PCDHGB1: variants seen among roughly 807,000 people sequenced by gnomAD.
PCDHGB1 encodes the protein protocadherin gamma subfamily B, 1.
Under a neutral mutation model 56.6 loss-of-function variants are expected in PCDHGB1, and 34 were observed. The ratio of observed to expected loss-of-function variants is 0.60; its 90% CI spans 0.46 to 0.80. The LOEUF is 0.80. Among genes scored for constraint, PCDHGB1 ranks in the 30% least tolerant of loss-of-function variants. The pLI, the probability that PCDHGB1 is intolerant of heterozygous loss-of-function variation, is 0.00. For missense variants in PCDHGB1, 1,278 were observed against 1,204.6 expected (o/e 1.06, Z -0.90); for synonymous variants, 561 against 505.9 (o/e 1.11, Z -1.46).
chr5:141,478,635 A>T, intron 1 of PCDHGB1: 1 of 1,552,830 alleles, frequency 6.4e-7, no homozygotes, highest in Non-Finnish European at 8.7e-7. Context: ...TTTTTTAGTG[A>T]TGAAGATGTT....
At chr5:141,423,173 A>T (rs2096717258) in intron 1 of PCDHGB1, 1 of 1,613,330 alleles carries the variant, frequency 6.2e-7, no homozygotes, top group South Asian at 1.1e-5. Flanking sequence ...GCCGTCCAGG[A>T]CCACGGCCAG....
chr5:141,421,379 A>G, intron 1 of PCDHGB1: 1 of 1,614,054 alleles, frequency 6.2e-7, no homozygotes, highest in Non-Finnish European at 8.5e-7. Flanking sequence ...AATATCTCCA[A>G]GGACCTGGGG....
chr5:141,400,646 CTGTCCT>C, intron 1 of PCDHGB1: 1 of 1,222,508 alleles, frequency 8.2e-7, no homozygotes, highest in South Asian at 1.4e-5. Flanking sequence ...GCTCAGAAAG[CTGTCCT>C]ACCATTCTTT....
intron 2 of PCDHGB1, among the ~76,000 whole-genome samples, chr5:141,499,879 G>C (rs1470090790): frequency 9.2e-5 from 14 of 151,952 alleles, no homozygotes. Flanking sequence ...GTACAAACAG[G>C]GTTTCGCCAT....
chr5:141,477,884 G>A lies in PCDHGB1; in HGVS notation c.2410-16923G>A. On this transcript the variant is annotated intron_variant, in intron 1 of 3. Transcript: ENST00000523390. The surrounding 1 kb of genome is among the most constrained non-coding windows in gnomAD (Gnocchi z 4.9). ...TCGAGGTACCTCAGCTGGCCACCTA[G>A]TGTCACGGGTGGTAGGCTGGGACGC... 6.2e-7 allele frequency: 1 copy of A among 1,614,190 alleles called. No homozygotes were observed. The highest frequency in any genetic ancestry group is 8.5e-7 in the Non-Finnish European group (1 of 1,180,036).
chr5:141,465,448 A>G (rs2099103302), intron 1 of PCDHGB1, among the ~76,000 whole-genome samples: 2 of 152,192 alleles, frequency 1.3e-5, no homozygotes, highest in Admixed American at 1.3e-4. Flanking sequence ...TTACCCAAGA[A>G]AACTCTCACC....
intron 1 of PCDHGB1, chr5:141,399,009 C>T (rs759328384): frequency 8.1e-6 from 13 of 1,613,694 alleles, no homozygotes; most frequent in African/African-American, 1.3e-5. Context: ...ATTCAAAGAG[C>T]GGAGAAATTA....
At position 141,389,543 on chromosome 5, in the gene PCDHGB1, C is replaced by A. The variant is rs550025687; in HGVS notation, c.2409+36874C>A. 5.6e-6 allele frequency: 9 copies of A among 1,613,282 alleles called. No individual in the cohort carries two copies. In the East Asian group the frequency reaches 6.7e-5, roughly 12 times the overall value. ...GCCTGCGCGTGTTAGTGGACGACCG[C>A]AACGACAATGCGCCACGGGTGCTGT... On this transcript the variant is annotated intron_variant, in intron 1 of 3. Transcript: ENST00000523390.
Position 141,350,426 on chromosome 5 carries a change from G to T in PCDHGB1, c.166G>T (p.Val56Phe), listed in dbSNP as rs776190786. ...ACTTGCCAAGGATCTGGGGCTCAGT[G>T]TCCGGGAGTTGCCAACTCGAAAACT... ...GKLAKDLGLS[V>F]RELPTRKLRV... The change falls in exon 1 of 4, where the codon GTC becomes TTC. Residue 56 changes from valine to phenylalanine, a missense_variant. Transcript: ENST00000523390. 2.5e-6 allele frequency: 4 copies of T among 1,609,938 alleles called. No homozygotes were observed. The African/African-American group carries it at 4.0e-5, about 16-fold the overall frequency.
chr5:141,383,612 A>C (rs1387363746), intron 1 of PCDHGB1: 1 of 1,613,690 alleles, frequency 6.2e-7, no homozygotes, highest in East Asian at 2.2e-5. Flanking sequence ...GTGAATGACC[A>C]CACGCCTGTC....
intron 1 of PCDHGB1, chr5:141,415,029 G>T (rs777967290): frequency 8.1e-6 from 13 of 1,613,554 alleles, no homozygotes; most frequent in Non-Finnish European, 1.0e-5. Context: ...CCAGCGAGCC[G>T]GGACTCTTCG....
rs759181434 is a variant in PCDHGB1, at chr5:141,351,009, A to G, written c.749A>G (p.Glu250Gly). 41 of 1,613,964 alleles carry G rather than the reference A, an allele frequency of 2.5e-5. No homozygotes were observed. The highest frequency in any genetic ancestry group is 2.7e-5 in the African/African-American group (2 of 74,952). ...SQEVYRVSLQ[E>G]NVPWGTSVLR... is the part of the protein sequence containing the mutation. ...GAGGTATACAGGGTTAGCCTCCAAGAAAACGTACCGTGGGGAACCTCCGTG... is the reference window on the plus strand; with the variant it reads ...GAGGTATACAGGGTTAGCCTCCAAGGAAACGTACCGTGGGGAACCTCCGTG... The change falls in exon 1 of 4, where the codon GAA becomes GGA. Residue 250 changes from glutamate to glycine, a missense_variant. Physicochemically the swap from Glu to Gly is moderately conservative, Grantham distance 98. Transcript: ENST00000523390.
intron 1 of PCDHGB1, among the ~76,000 whole-genome samples, chr5:141,400,831 C>CT (rs1457237248): frequency 1.3e-5 from 2 of 152,146 alleles, no homozygotes; most frequent in Admixed American, 6.5e-5. Flanking sequence ...TTGTCTCATT[C>CT]TTTAACATGT....
chr5:141,503,547 C>T (rs545918096), intron 2 of PCDHGB1, among the ~76,000 whole-genome samples: 22 of 147,734 alleles, frequency 1.5e-4, no homozygotes, highest in African/African-American at 4.8e-4. Flanking sequence ...TGCAGTGAGC[C>T]GAGATCGCGC....
chr5:141,428,846 A>G (rs936271540), intron 1 of PCDHGB1: 1 of 143,414 alleles, frequency 7.0e-6, no homozygotes, highest in Non-Finnish European at 1.5e-5. Flanking sequence ...CATTTTCACC[A>G]TTTTTACGGG....
In PCDHGB1 at chr5:141,485,051, CCGAACCGCG is replaced by C. The variant is rs2099605816; in HGVS notation, c.2410-9754_2410-9746del. On this transcript the variant is annotated intron_variant, in intron 1 of 3. Coordinates refer to ENST00000523390, the MANE Select transcript of PCDHGB1 (RefSeq NM_018922.3). This position sits in a 1 kb window ranked among gnomAD's most constrained non-coding sequence, Gnocchi z 5.7. ...CGGCGCGTAACCCTTGCGGCGCCGG[CCGAACCGCG>C]CCAGAGCTGGCGCGGGGAAAGGGAG... 1.2e-6 allele frequency: 1 copy of C among 801,304 alleles called. No individual in the cohort carries two copies. Among genetic ancestry groups the C allele is most frequent in the East Asian group, 2.5e-5 (1 of 40,224 alleles). 49.6% of individuals were successfully genotyped at this position (801,304 alleles called of 1,614,324 possible). A position where few individuals can be genotyped will look rare whatever the true frequency, so the allele number is the denominator to read the frequency against.
intron 1 of PCDHGB1, chr5:141,395,493 A>T: frequency 2.0e-6 from 1 of 490,474 alleles, no homozygotes; most frequent in Non-Finnish European, 3.5e-6. Context: ...ATTATCACTC[A>T]TTCACTTAAG....
chr5:141,377,724 A>G (rs549902283), intron 1 of PCDHGB1: 1 of 152,362 alleles, frequency 6.6e-6, no homozygotes, highest in South Asian at 2.1e-4. Flanking sequence ...TTTTGAAAAG[A>G]TAAGAATCAT....
Position 141,431,721 on chromosome 5 carries a change from C to T in PCDHGB1, c.2410-63086C>T. The T allele has an allele frequency of 1.2e-6, 2 of 1,614,246 alleles. No homozygotes were observed. Among genetic ancestry groups the T allele is most frequent in the Non-Finnish European group, 1.7e-6 (2 of 1,180,044 alleles). On this transcript the variant is annotated intron_variant, in intron 1 of 3. Transcript: ENST00000523390. The surrounding 1 kb of genome is among the most constrained non-coding windows in gnomAD (Gnocchi z 4.8). ...GGATTCTACCAGATGGAAGTGCAAGCAATGGATAATGCAGGATATTCTGCG... is the reference window on the plus strand; with the variant it reads ...GGATTCTACCAGATGGAAGTGCAAGTAATGGATAATGCAGGATATTCTGCG...
Sources: allele counts gnomAD v4.1 joint callset (sites outside exome capture counted in the v4.1 genomes callset), GRCh38; gene constraint gnomAD v4.1.1; non-coding constraint Gnocchi (gnomAD v3.1); transcripts MANE v1.5; gene names NCBI Gene and HGNC (gene_info 2026-07-23, HGNC 2026-07-21).